RADIL: variants seen among roughly 807,000 people sequenced by gnomAD.
RADIL encodes the protein Rap associating with DIL domain.
In RADIL, 99 loss-of-function variants were observed where a neutral mutation model predicts 97.6. The ratio of observed to expected loss-of-function variants is 1.01; its 90% CI spans 0.86 to 1.20. The LOEUF is 1.20. RADIL is among the 50% of genes most tolerant of loss of function. The pLI, the probability that RADIL is intolerant of heterozygous loss-of-function variation, is 0.00. For missense variants in RADIL, 1,765 were observed against 1,498.9 expected (o/e 1.18, Z -2.93); for synonymous variants, 803 against 691.8 (o/e 1.16, Z -2.52).
intron 6 of RADIL, among the ~76,000 whole-genome samples, chr7:4,820,936 C>T (rs903351104): frequency 6.6e-6 from 1 of 152,224 alleles, no homozygotes; most frequent in Non-Finnish European, 1.5e-5. Flanking sequence ...TGGGGGGGCA[C>T]AGCAGGGTCC....
At chr7:4,832,062 G>A (rs986645497) in intron 5 of RADIL, 79 bp downstream of exon 5, 63 of 1,496,878 alleles carry the variant, frequency 4.2e-5, no homozygotes, top group South Asian at 5.8e-5. Context: ...GAGACCCCTC[G>A]GGACTTGGCT....
intron 5 of RADIL, among the ~76,000 whole-genome samples, chr7:4,829,520 TG>T (rs770477454): frequency 1.3e-5 from 2 of 152,152 alleles, no homozygotes; most frequent in Non-Finnish European, 2.9e-5. Flanking sequence ...CAGGCACATA[TG>T]GCAATAATGG....
chr7:4,822,380 A>G lies in RADIL; in HGVS notation c.1615+14T>C. 6.2e-7 allele frequency: 1 copy of G among 1,601,284 alleles called. No individual in the cohort carries two copies. Among genetic ancestry groups the G allele is most frequent in the South Asian group, 1.1e-5 (1 of 89,682 alleles). The stretch of plus-strand genomic sequence containing the variant: ...GGTGCTGGCGGGGGGAATGGAGGGC[A>G]GCGCCAGCCGTACCTGTGATGTCCA... On this transcript the variant is annotated intron_variant, in intron 6 of 14. Transcript: ENST00000399583. This position sits in a 1 kb window ranked among gnomAD's most constrained non-coding sequence, Gnocchi z 5.3.
chr7:4,839,024 A>C (rs1048480175), intron 2 of RADIL, among the ~76,000 whole-genome samples: 5 of 152,180 alleles, frequency 3.3e-5, no homozygotes, highest in African/African-American at 1.2e-4. Flanking sequence ...ATCACCCCCC[A>C]CAGGGAGCCG....
chr7:4,865,807 G>A, intron 2 of RADIL: 2 of 797,348 alleles, frequency 2.5e-6, no homozygotes, highest in South Asian at 2.7e-5. Flanking sequence ...AGCCATGGCA[G>A]CAGCGGAGGC....
At chr7:4,881,722 G>A (rs139619974) in intron 1 of RADIL, among the ~76,000 whole-genome samples, 12,045 of 143,576 alleles carry the variant, frequency 0.084, 813 homozygotes, top group African/African-American at 0.19. Context: ...GTGAGACTCC[G>A]TCTCAAAAAA....
At chr7:4,851,145 C>T (rs929396489) in intron 2 of RADIL, among the ~76,000 whole-genome samples, 1 of 150,736 alleles carries the variant, frequency 6.6e-6, no homozygotes, top group Admixed American at 6.6e-5. Context: ...GTGGAAGTTG[C>T]AGTGAGCCGA....
intron 2 of RADIL, chr7:4,860,474 T>C (rs749909160): frequency 6.2e-7 from 1 of 1,613,758 alleles, no homozygotes; most frequent in South Asian, 1.1e-5. Flanking sequence ...ATTATCTGGC[T>C]TTTTTAGCCC....
intron 2 of RADIL, among the ~76,000 whole-genome samples, chr7:4,865,150 T>C (rs938417671): frequency 6.6e-6 from 1 of 152,234 alleles, no homozygotes; most frequent in African/African-American, 2.4e-5. Flanking sequence ...TGGTGTGTTG[T>C]CATCTTTGAG....
chr7:4,823,649 T>C (rs1366097969), intron 5 of RADIL, among the ~76,000 whole-genome samples: 2 of 152,118 alleles, frequency 1.3e-5, no homozygotes, highest in African/African-American at 4.8e-5. Context: ...CAGGGCTGCC[T>C]CCTCCCTCAG....
chr7:4,799,041 CCCTGCGGCCCCTCCGAGCAGCCCACG>C lies in RADIL; in HGVS notation c.*311_*336del. 1 of 293,074 alleles carries C rather than the reference CCCTGCGGCCCCTCCGAGCAGCCCACG, an allele frequency of 3.4e-6. No individual in the cohort carries two copies. The highest frequency in any genetic ancestry group is 6.6e-6 in the Non-Finnish European group (1 of 151,022). 18.2% of individuals were successfully genotyped at this position (293,074 alleles called of 1,614,324 possible). A position where few individuals can be genotyped will look rare whatever the true frequency, so the allele number is the denominator to read the frequency against. ...GTGGCAGGCAGAGGCCATGGGGAGC[CCCTGCGGCCCCTCCGAGCAGCCCACG>C]CCTGCTGCCCGAGTTGAGACCCCAG... On this transcript the variant is annotated 3_prime_UTR_variant, in exon 15 of 15. Coordinates refer to ENST00000399583, the MANE Select transcript of RADIL (RefSeq NM_018059.5).
At chr7:4,882,599 C>T (rs551845067) in intron 1 of RADIL, among the ~76,000 whole-genome samples, 1 of 152,290 alleles carries the variant, frequency 6.6e-6, no homozygotes, top group East Asian at 1.9e-4. Flanking sequence ...ATGTGGAACC[C>T]ATTATCATTT....
intron 2 of RADIL, among the ~76,000 whole-genome samples, chr7:4,852,881 A>G (rs1783742331): frequency 1.3e-5 from 2 of 152,148 alleles, no homozygotes; most frequent in African/African-American, 4.8e-5. Flanking sequence ...TTGTTACCCT[A>G]TGCCTGTCCC....
intron 9 of RADIL, chr7:4,805,990 C>G (rs1389513829): frequency 1.0e-5 from 10 of 985,356 alleles, no homozygotes; most frequent in Non-Finnish European, 1.2e-5. Context: ...GCCGGCCTCA[C>G]AGGCGGCCGC....
intron 2 of RADIL, chr7:4,865,875 A>G: frequency 1.5e-6 from 1 of 658,284 alleles, no homozygotes. Context: ...ACACACAAAT[A>G]TTTACCGTTA....
intron 2 of RADIL, chr7:4,862,119 C>A (rs899474120): frequency 1.2e-5 from 4 of 326,468 alleles, no homozygotes; most frequent in African/African-American, 4.3e-5. Flanking sequence ...CCTACCGCTG[C>A]GCGGGGGGCT....
intron 5 of RADIL, among the ~76,000 whole-genome samples, chr7:4,829,058 C>T (rs1244568543): frequency 6.6e-6 from 1 of 152,234 alleles, no homozygotes; most frequent in Non-Finnish European, 1.5e-5. Context: ...TGGAACAGAG[C>T]CCCAGAGGGA....
At chr7:4,855,361 C>T (rs1360831118) in intron 2 of RADIL, among the ~76,000 whole-genome samples, 2 of 151,790 alleles carry the variant, frequency 1.3e-5, no homozygotes, top group Non-Finnish European at 2.9e-5. Context: ...GGCTGTGGTC[C>T]CACAGACTCT....
chr7:4,847,764 A>C lies in RADIL; in HGVS notation c.536-11159T>G, dbSNP rs1013791562. Among the ~76,000 whole-genome samples, 284 of 148,862 alleles carry C rather than the reference A, an allele frequency of 1.9e-3. 3 individuals carry two copies. The highest frequency in any genetic ancestry group is 6.7e-3 in the African/African-American group (269 of 40,026). The stretch of plus-strand genomic sequence containing the variant: ...CAAAAAAAAAAAAAAAAAAAAAAAA[A>C]AACACACAGGTATGACTCTATATAT... On this transcript the variant is annotated intron_variant, in intron 2 of 14. Coordinates refer to ENST00000399583, the MANE Select transcript of RADIL (RefSeq NM_018059.5).
Sources: gnomAD v4.1 joint callset for allele counts (sites outside exome capture counted in the v4.1 genomes callset) on GRCh38, gnomAD v4.1.1 for gene constraint, Gnocchi (gnomAD v3.1) non-coding constraint, MANE v1.5 for transcripts, NCBI Gene and HGNC (gene_info 2026-07-23, HGNC 2026-07-21) for gene names.